The following SLC35A5 variants were observed in gnomAD, a reference collection of about 807,000 sequenced individuals.
SLC35A5 encodes UDP-sugar transporter protein SLC35A5.
Under a neutral mutation model 36.3 loss-of-function variants are expected in SLC35A5, and 28 were observed. That is an observed-to-expected ratio of 0.77 (90% CI 0.57 to 1.06). The LOEUF (loss-of-function observed/expected upper bound fraction) is 1.06. Among genes scored for constraint, SLC35A5 ranks in the 50% least tolerant of loss-of-function variants. The pLI, the probability that SLC35A5 is intolerant of heterozygous loss-of-function variation, is 0.00. For missense variants in SLC35A5, 521 were observed against 499.3 expected, an observed-to-expected ratio of 1.04 and a Z score of -0.41; for synonymous variants, 180 against 173.7, an observed-to-expected ratio of 1.04 and a Z score of -0.29.
intron 3 of SLC35A5, 131 bp from the exon 4 acceptor site, chr3:112,570,409 G>A: frequency 2.1e-6 from 2 of 962,386 alleles, no homozygotes; most frequent in Non-Finnish European, 3.0e-6. Flanking sequence ...GTTGAAGAGA[G>A]ACAGTAATGA....
chr3:112,574,944 A>G (rs549949324), intron 5 of SLC35A5, among the ~76,000 whole-genome samples: 2 of 152,176 alleles, frequency 1.3e-5, no homozygotes, highest in Admixed American at 6.5e-5. Context: ...AGTACATCGA[A>G]GTTTGTTCTA....
At chr3:112,576,791 CAACTT>C (rs1934697101) in intron 5 of SLC35A5, among the ~76,000 whole-genome samples, 3 of 152,106 alleles carry the variant, frequency 2.0e-5, no homozygotes, top group South Asian at 2.1e-4. Context: ...ATTTTGAAGT[CAACTT>C]AACTTTGTTC....
chr3:112,564,873 CCT>C (rs1162393989), intron 2 of SLC35A5, among the ~76,000 whole-genome samples: 2 of 152,164 alleles, frequency 1.3e-5, no homozygotes, highest in African/African-American at 4.8e-5. Context: ...TCCATTTAAC[CCT>C]GAGTTGACAC....
chr3:112,572,923 A>G (rs1934510651), intron 4 of SLC35A5, among the ~76,000 whole-genome samples: 1 of 152,140 alleles, frequency 6.6e-6, no homozygotes, highest in Admixed American at 6.5e-5. Flanking sequence ...TCATCTCCTA[A>G]CTAGGGGTTC....
chr3:112,580,501 T>TG (rs1934857170), intron 5 of SLC35A5, 45 bp from the exon 6 acceptor site: 4 of 1,530,100 alleles, frequency 2.6e-6, no homozygotes, highest in Middle Eastern at 1.8e-4. Flanking sequence ...ACTATTGATA[T>TG]GGGGGGAAAA....
chr3:112,569,969 ACTTTT>A (rs1297719635), intron 3 of SLC35A5, among the ~76,000 whole-genome samples: 1 of 152,190 alleles, frequency 6.6e-6, no homozygotes, highest in African/African-American at 2.4e-5. Flanking sequence ...GTTAGTGACT[ACTTTT>A]CTTAATCTCA....
chr3:112,582,289 T>C (rs1171075401), intron 6 of SLC35A5, among the ~76,000 whole-genome samples: 1 of 152,158 alleles, frequency 6.6e-6, no homozygotes, highest in African/African-American at 2.4e-5. Flanking sequence ...CCAGAGTGTA[T>C]ATCCAGAAGT....
intron 2 of SLC35A5, among the ~76,000 whole-genome samples, chr3:112,565,896 G>C (rs1432503531): frequency 1.3e-5 from 2 of 152,190 alleles, no homozygotes; most frequent in East Asian, 3.8e-4. Flanking sequence ...TGGGACCTTA[G>C]TCTCTAGGCC....
chr3:112,568,776 A>G (rs1306079976), intron 2 of SLC35A5, among the ~76,000 whole-genome samples: 2 of 152,232 alleles, frequency 1.3e-5, no homozygotes, highest in African/African-American at 4.8e-5. Flanking sequence ...AATCACAAGA[A>G]GAATTATGAG....
At chr3:112,566,072 AGTAGTAAGAT>A (rs1365525980) in intron 2 of SLC35A5, among the ~76,000 whole-genome samples, 5 of 152,372 alleles carry the variant, frequency 3.3e-5, no homozygotes, top group Non-Finnish European at 7.3e-5. Flanking sequence ...GTGTTTTGGA[AGTAGTAAGAT>A]AAATAAGGAG....
At chr3:112,561,567 G>T (rs754541563), upstream of SLC35A5, 1 of 1,594,682 alleles carries the variant, frequency 6.3e-7, no homozygotes, top group Non-Finnish European at 8.5e-7. Flanking sequence ...CGACGGGATG[G>T]AAAGTGCAGC....
At chr3:112,561,641 T>A (rs1487881421), upstream of SLC35A5, 1 of 1,087,900 alleles carries the variant, frequency 9.2e-7, no homozygotes, top group Non-Finnish European at 1.3e-6. Flanking sequence ...AGCACCCGGC[T>A]GGCAGCACCC....
At chr3:112,561,785 C>A (rs1933899286), upstream of SLC35A5, 2 of 485,168 alleles carry the variant, frequency 4.1e-6, no homozygotes, top group Non-Finnish European at 7.3e-6. Flanking sequence ...TGTCACCCAG[C>A]CGCGAGGGAG....
At chr3:112,563,338 T>A in intron 1 of SLC35A5, 47 bp from the exon 2 acceptor site, 1 of 1,396,234 alleles carries the variant, frequency 7.2e-7, no homozygotes, top group South Asian at 1.9e-5. Flanking sequence ...TATTTGCGTT[T>A]AGGGTCTGCC....
chr3:112,563,405 TG>T lies in SLC35A5; in HGVS notation c.4del (p.Glu2?). 6.7e-7 allele frequency: 1 copy of T among 1,503,708 alleles called. No individual in the cohort carries two copies. 93.1% of individuals were successfully genotyped at this position (1,503,708 alleles called of 1,614,324 possible). Reference sequence around the variant, plus strand: ...TTAAGGTAATTAAAAAACAGTGGAATGGAAAAACAGTGCTGTAGTCATCCTG... The same window carrying T: ...TTAAGGTAATTAAAAAACAGTGGAATGAAAAACAGTGCTGTAGTCATCCTG... MEKQCCSHPVI... is the reference protein window; with the variant it reads XEKQCCSHPVI... On this transcript the variant is annotated frameshift_variant and start_lost, in exon 2 of 7. Coordinates refer to ENST00000492406, the MANE Select transcript of SLC35A5 (RefSeq NM_017945.5). LOFTEE classifies it high-confidence loss of function.
Position 112,581,146 on chromosome 3 carries a change from C to T in SLC35A5, c.1029C>T (p.Ile343=). 6.2e-7 allele frequency: 1 copy of T among 1,614,006 alleles called. No individual in the cohort carries two copies. Residue 343 remains isoleucine, a synonymous_variant, in exon 6 of 7, where the codon ATC becomes ATT. Transcript: ENST00000492406. The part of the protein sequence containing the change: ...VLMAQVTTVI[I]TTVSVLVFDF... ...TGGCCCAGGTTACCACTGTCATTAT[C>T]ACAACAGTGTCTGTCCTGGTCTTTG... is the stretch of plus-strand genomic sequence containing the variant.
chr3:112,581,533 G>A (rs1362497575), intron 6 of SLC35A5, among the ~76,000 whole-genome samples: 1 of 152,110 alleles, frequency 6.6e-6, no homozygotes, highest in East Asian at 1.9e-4. Flanking sequence ...AAAAGTATAA[G>A]TCAATCTCAA....
At chr3:112,561,962 T>G (rs569217583), upstream of SLC35A5, 4 of 202,334 alleles carry the variant, frequency 2.0e-5, no homozygotes, top group South Asian at 1.4e-4. Flanking sequence ...CACGTGACAC[T>G]AGACTCTCCC....
At position 112,582,752 on chromosome 3, in the gene SLC35A5, T is replaced by C. The variant is rs760688578; in HGVS notation, c.*16T>C. 6.3e-6 allele frequency: 10 copies of C among 1,599,460 alleles called. No homozygotes were observed. The highest frequency in any genetic ancestry group is 7.7e-6 in the Non-Finnish European group (9 of 1,167,796). On this transcript the variant is annotated 3_prime_UTR_variant, in exon 7 of 7. Transcript: ENST00000492406. Reference sequence around the variant, plus strand: ...TACTTTCTAACTGGTACCCACATAGTTTGCAGCTCTCTTGAACCTTATTTT... The same window carrying C: ...TACTTTCTAACTGGTACCCACATAGCTTGCAGCTCTCTTGAACCTTATTTT...
Sources: gnomAD v4.1 joint callset for allele counts (sites outside exome capture counted in the v4.1 genomes callset) on GRCh38, gnomAD v4.1.1 for gene constraint, MANE v1.5 for transcripts, NCBI Gene and HGNC (gene_info 2026-07-23, HGNC 2026-07-21) for gene names.